The following CADM2 variants were observed in gnomAD, a reference collection of about 807,000 sequenced individuals.
CADM2 encodes cell adhesion molecule 2.
Under a neutral mutation model 49.8 loss-of-function variants are expected in CADM2, and 12 were observed. The ratio of observed to expected loss-of-function variants is 0.24; its 90% CI spans 0.15 to 0.39. The LOEUF (loss-of-function observed/expected upper bound fraction) is 0.39. CADM2 is among the 10% of genes least tolerant of loss of function. The probability of loss-of-function intolerance (pLI) is 1.00; values close to 1 mark genes in which losing one functional copy is unlikely to be tolerated. For missense variants in CADM2, 378 were observed against 492.3 expected (o/e 0.77, Z 2.20); for synonymous variants, 214 against 175.4 (o/e 1.22, Z -1.74).
At chr3:85,591,824 T>C (rs1032625323) in intron 1 of CADM2, among the ~76,000 whole-genome samples, 23 of 152,018 alleles carry the variant, frequency 1.5e-4, no homozygotes, top group Non-Finnish European at 3.2e-4. Context: ...CCCAGTGAAT[T>C]CTATATAGAG....
chr3:85,229,653 G>A (rs1163889409), intron 1 of CADM2, among the ~76,000 whole-genome samples: 1 of 152,124 alleles, frequency 6.6e-6, no homozygotes, highest in Non-Finnish European at 1.5e-5. Flanking sequence ...TGTTTTGAGA[G>A]TATTGTCTTT....
At chr3:85,921,267 T>C (rs1302879031) in intron 6 of CADM2, among the ~76,000 whole-genome samples, 2 of 151,940 alleles carry the variant, frequency 1.3e-5, no homozygotes, top group East Asian at 3.8e-4. Flanking sequence ...ATGCCCAATA[T>C]TTTGAAATTT....
chr3:85,860,122 A>G lies in CADM2; in HGVS notation c.239-23169A>G, dbSNP rs576518987. Reference sequence around the variant, plus strand: ...ATAATTTATTTTGAAGTGTAGAAACATGATTGAACATTATATAATTTTAAA... The same window carrying G: ...ATAATTTATTTTGAAGTGTAGAAACGTGATTGAACATTATATAATTTTAAA... On this transcript the variant is annotated intron_variant, in intron 3 of 9. Coordinates refer to ENST00000383699, the MANE Select transcript of CADM2 (RefSeq NM_001167675.2). 3.3e-5 allele frequency among the ~76,000 whole-genome samples: 5 copies of G among 152,334 alleles called. No individual in the cohort carries two copies. In the South Asian group the frequency reaches 1.0e-3, roughly 32 times the overall value.
chr3:85,969,164 T>C (rs1725812493), intron 8 of CADM2, among the ~76,000 whole-genome samples: 1 of 151,598 alleles, frequency 6.6e-6, no homozygotes, highest in Admixed American at 6.6e-5. Context: ...GCATATCTCT[T>C]CATGTCGTTT....
chr3:85,808,971 A>G (rs1313782939), intron 3 of CADM2, among the ~76,000 whole-genome samples: 2 of 152,188 alleles, frequency 1.3e-5, no homozygotes, highest in Admixed American at 1.3e-4. Context: ...ACCTGACTGT[A>G]TATCTCCACA....
At chr3:85,972,198 C>T (rs1210136655) in intron 8 of CADM2, among the ~76,000 whole-genome samples, 1 of 151,558 alleles carries the variant, frequency 6.6e-6, no homozygotes, top group Non-Finnish European at 1.5e-5. Context: ...AGATAAATGT[C>T]CTTCTTTTTT....
chr3:85,740,063 C>G (rs372992645), intron 2 of CADM2, among the ~76,000 whole-genome samples: 1 of 152,130 alleles, frequency 6.6e-6, no homozygotes, highest in Admixed American at 6.5e-5. Context: ...TAGTCACATG[C>G]AGTTAATGTC....
intron 1 of CADM2, among the ~76,000 whole-genome samples, chr3:85,548,381 T>G (rs934555529): frequency 6.6e-6 from 1 of 151,832 alleles, no homozygotes; most frequent in East Asian, 2.0e-4. Context: ...TATGAAACTG[T>G]TTTAGCCTGT....
chr3:85,546,683 T>C (rs1450945306), intron 1 of CADM2, among the ~76,000 whole-genome samples: 1 of 152,132 alleles, frequency 6.6e-6, no homozygotes, highest in Non-Finnish European at 1.5e-5. Flanking sequence ...ATCAGAATAC[T>C]AAGATGAGGA....
chr3:85,065,174 A>G (rs1477765601), intron 1 of CADM2, among the ~76,000 whole-genome samples: 1 of 152,114 alleles, frequency 6.6e-6, no homozygotes, highest in Admixed American at 6.6e-5. Flanking sequence ...AATCTGAAAT[A>G]ACTTCATCTG....
intron 1 of CADM2, among the ~76,000 whole-genome samples, chr3:85,438,193 A>G (rs2037021972): frequency 6.6e-6 from 1 of 152,116 alleles, no homozygotes; most frequent in Non-Finnish European, 1.5e-5. Context: ...AAATATTTTT[A>G]TTACCAAATT....
intron 1 of CADM2, among the ~76,000 whole-genome samples, chr3:85,288,784 G>GCCT (rs1553704672): frequency 1.1e-5 from 1 of 88,200 alleles, no homozygotes; most frequent in Non-Finnish European, 2.6e-5. Context: ...TTACCAATAT[G>GCCT]CCCCCCCCCC....
intron 1 of CADM2, among the ~76,000 whole-genome samples, chr3:85,048,398 T>C (rs1025396892): frequency 1.3e-5 from 2 of 152,136 alleles, no homozygotes; most frequent in African/African-American, 4.8e-5. Context: ...CAAGGAAACA[T>C]TTCCCAGAGC....
At chr3:85,057,887 G>T (rs1186116540) in intron 1 of CADM2, among the ~76,000 whole-genome samples, 2 of 152,022 alleles carry the variant, frequency 1.3e-5, no homozygotes, top group Non-Finnish European at 2.9e-5. Context: ...ATGTGGGGTT[G>T]TTTTTCAGTA....
At chr3:85,084,127 C>A (rs565631750) in intron 1 of CADM2, among the ~76,000 whole-genome samples, 85 of 152,236 alleles carry the variant, frequency 5.6e-4, no homozygotes, top group African/African-American at 2.0e-3. Flanking sequence ...AGCTGATATG[C>A]TTTCTGACTT....
At chr3:85,879,587 G>T (rs1712430976) in intron 3 of CADM2, among the ~76,000 whole-genome samples, 1 of 152,084 alleles carries the variant, frequency 6.6e-6, no homozygotes, top group Non-Finnish European at 1.5e-5. Flanking sequence ...CTCTTGTGTA[G>T]TAAATGTGTA....
intron 1 of CADM2, among the ~76,000 whole-genome samples, chr3:85,569,386 T>G (rs1172839872): frequency 4.6e-5 from 7 of 152,168 alleles, no homozygotes; most frequent in Admixed American, 3.9e-4. Context: ...AGTTTGGGGT[T>G]ATTAAGAATA....
At chr3:85,907,431 C>A (rs1202995955) in intron 5 of CADM2, among the ~76,000 whole-genome samples, 3 of 152,090 alleles carry the variant, frequency 2.0e-5, no homozygotes, top group Non-Finnish European at 4.4e-5. Flanking sequence ...CACTTAATAG[C>A]CTACATGATT....
At chr3:85,175,545 T>A (rs531473465) in intron 1 of CADM2, among the ~76,000 whole-genome samples, 1 of 152,292 alleles carries the variant, frequency 6.6e-6, no homozygotes, top group African/African-American at 2.4e-5. Flanking sequence ...GTTCCTAGCA[T>A]AGCCAAATTC....
Sources: gnomAD v4.1 joint callset for allele counts (sites outside exome capture counted in the v4.1 genomes callset) on GRCh38, gnomAD v4.1.1 for gene constraint, MANE v1.5 for transcripts, NCBI Gene and HGNC (gene_info 2026-07-23, HGNC 2026-07-21) for gene names.